POLR3E: variants seen among roughly 807,000 people sequenced by gnomAD.
POLR3E encodes RNA polymerase III subunit E.
A neutral mutation model predicts 96.6 loss-of-function variants in POLR3E; 41 were observed. The observed-to-expected ratio is 0.42, with a 90% CI of 0.33 to 0.55. The LOEUF is 0.55. Ranked by LOEUF, POLR3E falls within the 20% of genes least tolerant of loss-of-function variation. The pLI, the probability that POLR3E is intolerant of heterozygous loss-of-function variation, is 0.06. For missense variants in POLR3E, 849 were observed against 952.1 expected (o/e 0.89, Z 1.43); for synonymous variants, 396 against 383.6 (o/e 1.03, Z -0.38).
At chr16:22,298,552 T>C (rs777895706) in intron 1 of POLR3E, among the ~76,000 whole-genome samples, 5 of 152,172 alleles carry the variant, frequency 3.3e-5, no homozygotes, top group Non-Finnish European at 5.9e-5. Flanking sequence ...GCCAAGCAGC[T>C]GTGGTGGGAT....
chr16:22,299,029 T>C (rs1410408921), intron 1 of POLR3E: 3 of 455,998 alleles, frequency 6.6e-6, no homozygotes, highest in Non-Finnish European at 1.3e-5. Flanking sequence ...CCTGAGCAAA[T>C]AGACCAGGTA....
chr16:22,307,257 C>A (rs374681041), intron 3 of POLR3E, among the ~76,000 whole-genome samples: 1 of 152,182 alleles, frequency 6.6e-6, no homozygotes, highest in South Asian at 2.1e-4. Flanking sequence ...AGCCTTCCCA[C>A]CCCCAGTCAG....
rs1435912293 is a variant in POLR3E at position 22,305,070 on chromosome 16, TAACTG to T, written c.37-83_37-79del. 3.8e-6 allele frequency: 4 copies of T among 1,039,104 alleles called. No homozygotes were observed. The African/African-American group carries it at 6.3e-5, about 16-fold the overall frequency. The allele number at this position is 1,039,104 out of a possible 1,614,324, so 64.4% of individuals were successfully genotyped here. A position where few individuals can be genotyped will look rare whatever the true frequency, so the allele number is the denominator to read the frequency against. On this transcript the variant is annotated intron_variant, in intron 2 of 20. Coordinates refer to ENST00000299853, the MANE Select transcript of POLR3E (RefSeq NM_018119.4). ...AACTGCTTCCCTGAGCCACTGCCCT[TAACTG>T]AAGCTGGAAGCGCTGGCATAGCCCG... is the stretch of plus-strand genomic sequence containing the variant.
chr16:22,316,535 G>A, intron 9 of POLR3E, 66 bp from the exon 10 acceptor site: 1 of 1,290,982 alleles, frequency 7.7e-7, no homozygotes, highest in African/African-American at 1.5e-5. Context: ...GGGAGGCCTT[G>A]GGGGAGGGGG....
chr16:22,323,279 T>C (rs567542713), intron 14 of POLR3E, among the ~76,000 whole-genome samples: 19 of 152,132 alleles, frequency 1.2e-4, no homozygotes, highest in Non-Finnish European at 2.5e-4. Flanking sequence ...CAAGGGTAAT[T>C]GGACTCCCTG....
In POLR3E at chr16:22,303,563, C is replaced by G. The variant is rs541178646; in HGVS notation, c.36+559C>G. 2.0e-5 allele frequency among the ~76,000 whole-genome samples: 3 copies of G among 151,790 alleles called. No individual in the cohort carries two copies. In the East Asian group the frequency reaches 5.8e-4, roughly 29 times the overall value. On this transcript the variant is annotated intron_variant, in intron 2 of 20. Transcript: ENST00000299853. ...AGTGAGCAGGGCAGGGTCCCCTTCC[C>G]TGGGAAGCTAATGGGCTGTGGGCAA...
chr16:22,303,254 C>A (rs1354387591), intron 2 of POLR3E, among the ~76,000 whole-genome samples: 1 of 152,114 alleles, frequency 6.6e-6, no homozygotes, highest in African/African-American at 2.4e-5. Context: ...CACCCAGCTC[C>A]CCTCCTGCAC....
intron 2 of POLR3E, among the ~76,000 whole-genome samples, chr16:22,304,327 G>A (rs2048090305): frequency 6.6e-6 from 1 of 152,198 alleles, no homozygotes; most frequent in Non-Finnish European, 1.5e-5. Flanking sequence ...CTTGGGGGAT[G>A]TTGCTAAGTT....
intron 17 of POLR3E, 92 bp from the exon 18 acceptor site, chr16:22,325,669 G>A (rs545889137): frequency 4.2e-6 from 6 of 1,415,244 alleles, no homozygotes; most frequent in South Asian, 1.5e-5. Flanking sequence ...AGACCAGGAC[G>A]GGACCACTTG....
At chr16:22,314,937 T>C in intron 8 of POLR3E, 152 bp from the exon 9 acceptor site, 2 of 732,768 alleles carry the variant, frequency 2.7e-6, no homozygotes, top group Non-Finnish European at 4.3e-6. Context: ...AGGGACACGG[T>C]TGGAACGGAA....
Position 22,330,325 on chromosome 16 carries a change from T to C in POLR3E, c.1945-1735T>C, listed in dbSNP as rs369305355. 7.8e-4 allele frequency among the ~76,000 whole-genome samples: 119 copies of C among 152,322 alleles called. 3 individuals carry two copies. The South Asian group carries it at 0.022, about 29-fold the overall frequency. ...GTCTCGAACTCCTGGCCTCAAATGA[T>C]CTGCCTGCCTTGGCCTTCCAAAGTG... On this transcript the variant is annotated intron_variant, in intron 19 of 20. Coordinates refer to ENST00000299853, the MANE Select transcript of POLR3E (RefSeq NM_018119.4).
Position 22,318,248 on chromosome 16 carries a change from C to G in POLR3E, c.866-578C>G, listed in dbSNP as rs899528489. ...AGCTGGGACTACAGGTGCCCGCCAT[C>G]ACGCCCAGCTAATTTTTGTATTTTT... On this transcript the variant is annotated intron_variant, in intron 12 of 20. Coordinates refer to ENST00000299853, the MANE Select transcript of POLR3E (RefSeq NM_018119.4). The surrounding 1 kb of genome is among the most constrained non-coding windows in gnomAD (Gnocchi z 5.0). Among the ~76,000 whole-genome samples, 6 of 152,192 alleles carry G rather than the reference C, an allele frequency of 3.9e-5. No homozygotes were observed. Among genetic ancestry groups the G allele is most frequent in the African/African-American group, 1.4e-4 (6 of 41,440 alleles).
intron 6 of POLR3E, among the ~76,000 whole-genome samples, chr16:22,310,586 CTG>C (rs1418129867): frequency 2.0e-5 from 3 of 148,122 alleles, no homozygotes; most frequent in Non-Finnish European, 3.0e-5. Context: ...CATGCCCGGC[CTG>C]TGTCTTAGTT....
intron 19 of POLR3E, 119 bp downstream of exon 19, chr16:22,328,706 C>T (rs2048665633): frequency 5.0e-6 from 4 of 803,254 alleles, no homozygotes; most frequent in Middle Eastern, 2.2e-4. Context: ...TTCTGGCACA[C>T]TCGGTTTTAA....
chr16:22,323,348 A>T (rs1181648450), intron 14 of POLR3E, among the ~76,000 whole-genome samples: 1 of 152,190 alleles, frequency 6.6e-6, no homozygotes, highest in East Asian at 1.9e-4. Flanking sequence ...CCACAGTCCC[A>T]GGTGCCTTTG....
At chr16:22,315,063 A>G (rs1260924612) in intron 8 of POLR3E, 26 bp from the exon 9 acceptor site, 1 of 1,611,238 alleles carries the variant, frequency 6.2e-7, no homozygotes, top group Non-Finnish European at 8.5e-7. Context: ...GCCTGACGGT[A>G]TGACCTCTTC....
intron 16 of POLR3E, 60 bp downstream of exon 16, chr16:22,324,720 GAGCACTGTC>G: frequency 6.4e-7 from 1 of 1,558,786 alleles, no homozygotes; most frequent in Non-Finnish European, 8.8e-7. Context: ...GCATCCTGGG[GAGCACTGTC>G]AGGGTGGATC....
intron 6 of POLR3E, 21 bp downstream of exon 6, chr16:22,309,531 C>T (rs200075566): frequency 2.0e-5 from 31 of 1,538,008 alleles, no homozygotes; most frequent in South Asian, 3.3e-5. Context: ...CTGGGTGTCC[C>T]GCGGTGGGGA....
In POLR3E at chr16:22,324,664, A is replaced by T. The variant is rs753854979; in HGVS notation, c.1286+4A>T. The stretch of plus-strand genomic sequence containing the variant: ...TGTGGACGGGTATCCAGGCCAAGTA[A>T]GCACCCTGGGCCAGGGAGGGGCAGC... On this transcript the variant is annotated splice_donor_region_variant and intron_variant, in intron 16 of 20. Transcript: ENST00000299853. The T allele has an allele frequency of 1.7e-5, 27 of 1,613,670 alleles. No individual in the cohort carries two copies. Among genetic ancestry groups the T allele is most frequent in the Non-Finnish European group, 2.0e-5 (24 of 1,179,902 alleles).
Sources: gnomAD v4.1 joint callset for allele counts (sites outside exome capture counted in the v4.1 genomes callset) on GRCh38, gnomAD v4.1.1 for gene constraint, Gnocchi (gnomAD v3.1) non-coding constraint, MANE v1.5 for transcripts, NCBI Gene and HGNC (gene_info 2026-07-23, HGNC 2026-07-21) for gene names.